Variants in PLXNA4 observed in about 807,000 individuals in gnomAD.
PLXNA4 encodes the protein plexin-A4.
Under a neutral mutation model 191.8 loss-of-function variants are expected in PLXNA4, and 44 were observed. The observed-to-expected ratio is 0.23, with a 90% CI of 0.18 to 0.29. The LOEUF is 0.29. PLXNA4 is among the 10% of genes least tolerant of loss of function. The probability of loss-of-function intolerance (pLI) is 1.00; values close to 1 mark genes in which losing one functional copy is unlikely to be tolerated. For missense variants in PLXNA4, 1,800 were observed against 2,488.8 expected (o/e 0.72, Z 5.89); for synonymous variants, 1,082 against 1,009.5 (o/e 1.07, Z -1.36).
At chr7:132,473,652 TA>T (rs941676946) in intron 3 of PLXNA4, among the ~76,000 whole-genome samples, 54 of 151,838 alleles carry the variant, frequency 3.6e-4, no homozygotes, top group African/African-American at 1.3e-3. Flanking sequence ...TGATGGCAAA[TA>T]AATATTGTCA....
intron 2 of PLXNA4, among the ~76,000 whole-genome samples, chr7:132,623,348 AAAAAT>A (rs1029656810): frequency 1.3e-5 from 2 of 151,892 alleles, no homozygotes; most frequent in African/African-American, 4.8e-5. Context: ...TTCCATCTCA[AAAAAT>A]AAAATAAAAT....
intron 2 of PLXNA4, among the ~76,000 whole-genome samples, chr7:132,629,782 G>A (rs1218826188): frequency 4.6e-5 from 7 of 152,262 alleles, no homozygotes; most frequent in East Asian, 1.9e-4. Context: ...GCAGATGGCC[G>A]CCTTCTCACT....
intron 3 of PLXNA4, among the ~76,000 whole-genome samples, chr7:132,440,332 G>A (rs1323721379): frequency 6.6e-6 from 1 of 152,090 alleles, no homozygotes. Flanking sequence ...ATAACACTAC[G>A]ACACGCAACC....
At chr7:132,223,803 C>G (rs1272304945) in intron 8 of PLXNA4, among the ~76,000 whole-genome samples, 162 bp from the exon 9 acceptor site, 2 of 152,154 alleles carry the variant, frequency 1.3e-5, no homozygotes, top group Non-Finnish European at 2.9e-5. Context: ...CTTTACTCCC[C>G]AAGACCTCAG....
intron 27 of PLXNA4, 25 bp from the exon 28 acceptor site, chr7:132,146,725 G>C: frequency 6.2e-7 from 1 of 1,612,180 alleles, no homozygotes; most frequent in South Asian, 1.1e-5. Context: ...ATCACCCCCC[G>C]ACATATGTGA....
chr7:132,237,926 G>A (rs1342717191), intron 5 of PLXNA4, among the ~76,000 whole-genome samples: 1 of 152,222 alleles, frequency 6.6e-6, no homozygotes, highest in Non-Finnish European at 1.5e-5. Flanking sequence ...ACTCCCAGCT[G>A]AGGTGGGATA....
At chr7:132,545,720 T>G (rs1800271949) in intron 1 of PLXNA4, among the ~76,000 whole-genome samples, 1 of 152,062 alleles carries the variant, frequency 6.6e-6, no homozygotes, top group African/African-American at 2.4e-5. Context: ...AAATGAGGAT[T>G]AAGAAAATTT....
chr7:132,643,702 G>T (rs893357348), intron 2 of PLXNA4, among the ~76,000 whole-genome samples: 8 of 152,136 alleles, frequency 5.3e-5, no homozygotes, highest in Non-Finnish European at 1.2e-4. Flanking sequence ...TGTAATTCCA[G>T]GACTTTGAGA....
intron 16 of PLXNA4, among the ~76,000 whole-genome samples, chr7:132,183,207 C>T (rs1017255425): frequency 5.3e-5 from 8 of 152,174 alleles, no homozygotes; most frequent in African/African-American, 9.7e-5. Context: ...CTCACATGCG[C>T]GCACACACGC....
chr7:132,502,911 G>A (rs962930204), intron 2 of PLXNA4, among the ~76,000 whole-genome samples: 1 of 152,148 alleles, frequency 6.6e-6, no homozygotes, highest in African/African-American at 2.4e-5. Context: ...GGGTTTGACA[G>A]GTGTCAGTTG....
intron 3 of PLXNA4, among the ~76,000 whole-genome samples, chr7:132,371,491 A>G (rs1804438215): frequency 6.6e-6 from 1 of 152,136 alleles, no homozygotes; most frequent in Admixed American, 6.5e-5. Flanking sequence ...GTAGGAGCAT[A>G]TTTCTGGACA....
intron 2 of PLXNA4, among the ~76,000 whole-genome samples, chr7:132,605,995 C>T (rs372867955): frequency 6.6e-6 from 1 of 152,146 alleles, no homozygotes; most frequent in East Asian, 1.9e-4. Flanking sequence ...GAAACCCCGC[C>T]TCTACTAAAA....
intron 2 of PLXNA4, among the ~76,000 whole-genome samples, chr7:132,499,537 A>G (rs1798162982): frequency 6.6e-6 from 1 of 152,180 alleles, no homozygotes; most frequent in Non-Finnish European, 1.5e-5. Flanking sequence ...CAGTCCATCA[A>G]TCCCAAATCC....
intron 3 of PLXNA4, chr7:132,352,278 G>C (rs1311312801): frequency 1.3e-5 from 2 of 152,226 alleles, no homozygotes; most frequent in Non-Finnish European, 2.9e-5. Flanking sequence ...CCCCCCTCTC[G>C]CCTACGTGTG....
At chr7:132,396,149 C>G (rs1171724697) in intron 3 of PLXNA4, among the ~76,000 whole-genome samples, 1 of 152,100 alleles carries the variant, frequency 6.6e-6, no homozygotes, top group African/African-American at 2.4e-5. Context: ...AGCCAGCCCC[C>G]TGGGATATCC....
intron 3 of PLXNA4, among the ~76,000 whole-genome samples, chr7:132,444,647 C>T (rs950194034): frequency 3.9e-5 from 6 of 152,160 alleles, no homozygotes; most frequent in African/African-American, 1.4e-4. Flanking sequence ...CCCAGGCAGC[C>T]TGGTGCACAT....
In PLXNA4 at chr7:132,609,785, A is replaced by G. The variant is rs114533355; in HGVS notation, c.-87+36143T>C. Among the ~76,000 whole-genome samples, 1,300 of 152,260 alleles carry G rather than the reference A, an allele frequency of 8.5e-3. 23 individuals carry two copies. The highest frequency in any genetic ancestry group is 0.03 in the African/African-American group (1,257 of 41,548). On this transcript the variant is annotated intron_variant, in intron 2 of 4. Coordinates refer to the PLXNA4 transcript ENST00000378539. ...TTCCCGCTACACTGGGCTGCCCCCC[A>G]TTGGCAGTGGGAGGGGGAAGCCTGT...
chr7:132,433,264 A>G (rs1795343145), intron 3 of PLXNA4, among the ~76,000 whole-genome samples: 1 of 152,170 alleles, frequency 6.6e-6, no homozygotes, highest in Non-Finnish European at 1.5e-5. Flanking sequence ...TCCTACAGCC[A>G]CTGGTTTGAT....
At chr7:132,616,121 T>G (rs983831170) in intron 2 of PLXNA4, among the ~76,000 whole-genome samples, 1 of 152,116 alleles carries the variant, frequency 6.6e-6, no homozygotes, top group Non-Finnish European at 1.5e-5. Context: ...CTCTTGGCTC[T>G]CCAGTCCAAG....
Sources: gnomAD v4.1 joint callset for allele counts (sites outside exome capture counted in the v4.1 genomes callset) on GRCh38, gnomAD v4.1.1 for gene constraint, MANE v1.5 for transcripts, NCBI Gene and HGNC (gene_info 2026-07-23, HGNC 2026-07-21) for gene names.